CSMD3: variants seen among roughly 807,000 people sequenced by gnomAD.
The protein encoded by CSMD3 is CUB and Sushi multiple domains 3.
Under a neutral mutation model 435.2 loss-of-function variants are expected in CSMD3, and 177 were observed. The observed-to-expected ratio is 0.41, with a 90% CI of 0.36 to 0.46. The LOEUF (loss-of-function observed/expected upper bound fraction) is 0.46, where lower values mean the gene tolerates loss of function less well. Among genes scored for constraint, CSMD3 ranks in the 20% least tolerant of loss-of-function variants. The pLI is 0.34. For missense variants in CSMD3, 4,265 were observed against 4,504.6 expected, an observed-to-expected ratio of 0.95 and a Z score of 1.52; for synonymous variants, 1,656 against 1,520.5, an observed-to-expected ratio of 1.09 and a Z score of -2.07.
At chr8:112,707,878 A>C (rs188502901) in intron 13 of CSMD3, among the ~76,000 whole-genome samples, 1 of 152,254 alleles carries the variant, frequency 6.6e-6, no homozygotes, top group East Asian at 1.9e-4. Flanking sequence ...TTGGAGACTG[A>C]AAAATAAATT....
chr8:112,949,173 G>C (rs1249957702), intron 8 of CSMD3, among the ~76,000 whole-genome samples: 1 of 152,022 alleles, frequency 6.6e-6, no homozygotes, highest in African/African-American at 2.4e-5. Flanking sequence ...TGATTCATCA[G>C]ATAAGAAGAT....
intron 5 of CSMD3, among the ~76,000 whole-genome samples, chr8:113,048,608 A>G (rs2087945449): frequency 6.6e-6 from 1 of 152,186 alleles, no homozygotes; most frequent in African/African-American, 2.4e-5. Context: ...CATACTTCTT[A>G]AACTTTTATA....
rs1378774451 is a variant in CSMD3, at chr8:112,650,181, T to C, written c.3173A>G (p.His1058Arg). 6.2e-7 allele frequency: 1 copy of C among 1,612,628 alleles called. No homozygotes were observed. The highest frequency in any genetic ancestry group is 1.3e-5 in the African/African-American group (1 of 74,924). ...ATTACCATCACAGGTTGGAAGTGGA[T>C]GACTCCACCAGTGGTTTTTTTCGCA... Reference protein sequence around the residue: ...LLCEKNHWWSHPLPTCDALCG... With the variant: ...LLCEKNHWWSRPLPTCDALCG... Residue 1058 changes from histidine to arginine, a missense_variant, in exon 19 of 71, where the codon CAT becomes CGT. Coordinates refer to ENST00000297405, the MANE Select transcript of CSMD3 (RefSeq NM_198123.2).
chr8:112,929,205 A>C (rs1292000947), intron 9 of CSMD3, among the ~76,000 whole-genome samples: 1 of 122,684 alleles, frequency 8.2e-6, no homozygotes, highest in Admixed American at 1.0e-4. Context: ...TCAGATGAGT[A>C]GGTTGCGAAA....
chr8:113,404,795 C>A (rs557387825), intron 1 of CSMD3, among the ~76,000 whole-genome samples: 1 of 151,446 alleles, frequency 6.6e-6, no homozygotes, highest in African/African-American at 2.4e-5. Flanking sequence ...AATAGCATGG[C>A]ATACTACTGA....
At chr8:112,717,768 T>C (rs2076766028) in intron 13 of CSMD3, among the ~76,000 whole-genome samples, 1 of 152,126 alleles carries the variant, frequency 6.6e-6, no homozygotes, top group African/African-American at 2.4e-5. Context: ...TGCAGGCACA[T>C]GGATGAAGCT....
intron 13 of CSMD3, among the ~76,000 whole-genome samples, chr8:112,692,973 CGA>C (rs2076171560): frequency 7.2e-6 from 1 of 139,752 alleles, no homozygotes; most frequent in Non-Finnish European, 1.5e-5. Flanking sequence ...ATCTATCTAT[CGA>C]GAGAAAATAA....
chr8:113,112,047 C>G (rs189135150), intron 4 of CSMD3, among the ~76,000 whole-genome samples: 1 of 151,998 alleles, frequency 6.6e-6, no homozygotes, highest in African/African-American at 2.4e-5. Context: ...CCCTGGCAAT[C>G]ATTTACTTAT....
chr8:112,299,534 G>GA (rs1298449966), intron 53 of CSMD3, among the ~76,000 whole-genome samples: 5 of 151,978 alleles, frequency 3.3e-5, no homozygotes, highest in African/African-American at 7.2e-5. Flanking sequence ...AAGCAAATAT[G>GA]AAAAAAATGC....
intron 24 of CSMD3, among the ~76,000 whole-genome samples, chr8:112,559,823 T>G: frequency 6.6e-6 from 1 of 151,906 alleles, no homozygotes; most frequent in East Asian, 1.9e-4. Flanking sequence ...ATGTAATAAA[T>G]ACACCAAGGA....
chr8:112,925,233 A>C (rs2082873238), intron 9 of CSMD3, among the ~76,000 whole-genome samples: 1 of 150,554 alleles, frequency 6.6e-6, no homozygotes. Flanking sequence ...ATTTAGCTTA[A>C]TCATTATTAA....
chr8:112,383,561 A>G lies in CSMD3; in HGVS notation c.6031+6T>C, dbSNP rs745514832. On this transcript the variant is annotated splice_donor_region_variant and intron_variant, in intron 37 of 70. Transcript: ENST00000297405. ...TATTTTAATTAAGCTCAGCTCTCTT[A>G]TTTACCTGAATAGCTTCCAAGTCTT... The G allele has an allele frequency of 6.8e-7, 1 of 1,464,614 alleles. No individual in the cohort carries two copies. Among genetic ancestry groups the G allele is most frequent in the East Asian group, 2.3e-5 (1 of 44,104 alleles). 90.7% of individuals were successfully genotyped at this position (1,464,614 alleles called of 1,614,324 possible).
chr8:112,976,958 T>C (rs2084872294), intron 6 of CSMD3, among the ~76,000 whole-genome samples: 1 of 152,020 alleles, frequency 6.6e-6, no homozygotes, highest in Non-Finnish European at 1.5e-5. Context: ...TCAGAGTGTG[T>C]ATATGTGCGC....
rs191301321 is a variant in CSMD3 at position 113,039,651 on chromosome 8, G to A, written c.918-20472C>T. On this transcript the variant is annotated intron_variant, in intron 5 of 70. Transcript: ENST00000297405. The stretch of plus-strand genomic sequence containing the variant: ...ATAAAAGCACATAAGTGGCACATAC[G>A]GATTGTGAGAGTAAGGAGTAGTAAA... Among the ~76,000 whole-genome samples the A allele has an allele frequency of 6.6e-5, 10 of 152,168 alleles. No homozygotes were observed. The East Asian group carries it at 1.2e-3, about 18-fold the overall frequency.
chr8:113,040,340 A>G (rs2131283392), intron 5 of CSMD3, among the ~76,000 whole-genome samples: 1 of 152,308 alleles, frequency 6.6e-6, no homozygotes, highest in South Asian at 2.1e-4. Flanking sequence ...ATAGTCTTCC[A>G]TAAGGAGAAA....
Position 112,343,879 on chromosome 8 carries a change from A to ATTAT in CSMD3, c.6443-2197_6443-2194dup, listed in dbSNP as rs762574065. On this transcript the variant is annotated intron_variant, in intron 41 of 70. Transcript: ENST00000297405. ...GCCCAGGCTGGTTGATTATTTATTT[A>ATTAT]TTATTTATTTATTTATTTTTTGAGA... is the stretch of plus-strand genomic sequence containing the variant. Among the ~76,000 whole-genome samples, 15 of 151,444 alleles carry ATTAT rather than the reference A, an allele frequency of 9.9e-5. No homozygotes were observed. In the East Asian group the frequency reaches 2.0e-3, roughly 20 times the overall value.
chr8:113,099,148 C>A (rs1009155094), intron 4 of CSMD3, among the ~76,000 whole-genome samples, 185 bp from the exon 5 acceptor site: 3 of 151,802 alleles, frequency 2.0e-5, no homozygotes, highest in Non-Finnish European at 4.4e-5. Context: ...AGCACATATA[C>A]AAGTATAAAG....
intron 1 of CSMD3, among the ~76,000 whole-genome samples, chr8:113,370,044 TAA>T (rs1381381327): frequency 1.3e-5 from 2 of 151,790 alleles, no homozygotes; most frequent in Non-Finnish European, 3.0e-5. Context: ...TGAAAAATGC[TAA>T]AGAGAGTAAA....
chr8:113,262,146 C>T (rs2093432038), intron 3 of CSMD3, among the ~76,000 whole-genome samples: 2 of 151,662 alleles, frequency 1.3e-5, no homozygotes, highest in Admixed American at 6.6e-5. Flanking sequence ...ACAAATGAAG[C>T]CATTTGAAGC....
Sources: gnomAD v4.1 joint callset for allele counts (sites outside exome capture counted in the v4.1 genomes callset) on GRCh38, gnomAD v4.1.1 for gene constraint, MANE v1.5 for transcripts, NCBI Gene and HGNC (gene_info 2026-07-23, HGNC 2026-07-21) for gene names.